Variants in ROBO2 observed in about 807,000 individuals in gnomAD.
ROBO2 encodes roundabout guidance receptor 2, also known as roundabout homolog 2.
In ROBO2, 53 loss-of-function variants were observed where a neutral mutation model predicts 160.8. The observed-to-expected ratio is 0.33, with a 90% confidence interval of 0.26 to 0.41. ROBO2 has a LOEUF of 0.41. ROBO2 is among the 10% of genes least tolerant of loss of function. ROBO2 has a pLI of 1.00. For missense variants in ROBO2, 1,577 were observed against 1,722.4 expected (o/e 0.92, Z 1.49); for synonymous variants, 664 against 611.7 (o/e 1.09, Z -1.26).
intron 2 of ROBO2, among the ~76,000 whole-genome samples, chr3:76,278,808 C>T (rs150176683): frequency 6.6e-6 from 1 of 151,920 alleles, no homozygotes; most frequent in East Asian, 1.9e-4. Flanking sequence ...GAGAAATCCA[C>T]TGATTTATTT....
intron 2 of ROBO2, among the ~76,000 whole-genome samples, chr3:76,477,496 TATGAAAC>T (rs1283312986): frequency 2.6e-5 from 4 of 152,150 alleles, no homozygotes; most frequent in Non-Finnish European, 4.4e-5. Context: ...AAATGTTGTA[TATGAAAC>T]CATAGGGAAT....
In ROBO2 at chr3:77,176,558, C is replaced by T. The variant is rs2080179631; in HGVS notation, c.388+78218C>T. Among the ~76,000 whole-genome samples, 2 of 151,958 alleles carry T rather than the reference C, an allele frequency of 1.3e-5. 1 individual carries two copies. Among genetic ancestry groups the T allele is most frequent in the South Asian group, 4.1e-4 (2 of 4,828 alleles). ...TTACCTATACATGGCATTCTAGAAG[C>T]ATATATCATTAGAAAGATCACAACA... is the stretch of plus-strand genomic sequence containing the variant. On this transcript the variant is annotated intron_variant, in intron 2 of 25. Transcript: ENST00000461745.
intron 5 of ROBO2, among the ~76,000 whole-genome samples, chr3:77,507,400 A>G (rs1487060354): frequency 2.0e-5 from 3 of 152,174 alleles, no homozygotes; most frequent in Admixed American, 1.3e-4. Flanking sequence ...CGCCAAATAG[A>G]TGGCACATTC....
At chr3:77,072,513 A>G (rs1190657761) in intron 1 of ROBO2, among the ~76,000 whole-genome samples, 1 of 152,196 alleles carries the variant, frequency 6.6e-6, no homozygotes, top group Non-Finnish European at 1.5e-5. Flanking sequence ...ACACTATGCC[A>G]GGAATGTTCT....
intron 2 of ROBO2, among the ~76,000 whole-genome samples, chr3:76,698,249 G>A (rs1376654647): frequency 6.6e-6 from 1 of 152,206 alleles, no homozygotes; most frequent in Admixed American, 6.6e-5. Flanking sequence ...TGGGCGATGG[G>A]CTGAAAATGA....
chr3:77,291,064 A>G (rs1381417911), intron 2 of ROBO2, among the ~76,000 whole-genome samples: 3 of 150,774 alleles, frequency 2.0e-5, no homozygotes, highest in Non-Finnish European at 4.4e-5. Context: ...CTGAGGCTAG[A>G]TCACCCCAGA....
At chr3:77,127,137 C>G (rs371010724) in intron 2 of ROBO2, among the ~76,000 whole-genome samples, 1 of 152,136 alleles carries the variant, frequency 6.6e-6, no homozygotes, top group African/African-American at 2.4e-5. Context: ...TGTTGACCTA[C>G]AGGAAGCTCC....
At chr3:77,170,267 T>G (rs2079508318) in intron 2 of ROBO2, among the ~76,000 whole-genome samples, 1 of 152,194 alleles carries the variant, frequency 6.6e-6, no homozygotes, top group African/African-American at 2.4e-5. Flanking sequence ...ACTTGATAGT[T>G]CCAGATAGTT....
intron 2 of ROBO2, among the ~76,000 whole-genome samples, chr3:75,954,434 T>G (rs1001765883): frequency 6.6e-6 from 1 of 151,806 alleles, no homozygotes; most frequent in Non-Finnish European, 1.5e-5. Flanking sequence ...CTCCTCTTTC[T>G]CCAAAAACCA....
At chr3:77,602,222 C>T in exon 20 of ROBO2, 1 of 1,614,134 alleles carries the variant, frequency 6.2e-7, no homozygotes, top group Non-Finnish European at 8.5e-7. Flanking sequence ...GTGCTGCCAC[C>T]AGTTCCAGGC....
At chr3:77,425,335 G>A (rs1581835371) in intron 2 of ROBO2, among the ~76,000 whole-genome samples, 1 of 152,166 alleles carries the variant, frequency 6.6e-6, no homozygotes, top group East Asian at 1.9e-4. Context: ...AGATGATGTG[G>A]TAAAAAGCAG....
At chr3:76,274,709 G>A (rs538728428) in intron 2 of ROBO2, among the ~76,000 whole-genome samples, 6 of 151,786 alleles carry the variant, frequency 4.0e-5, no homozygotes, top group South Asian at 2.1e-4. Context: ...ATGGTGGCAC[G>A]CACCTGTAGT....
At chr3:77,392,257 A>G (rs1224492684) in intron 2 of ROBO2, among the ~76,000 whole-genome samples, 2 of 152,198 alleles carry the variant, frequency 1.3e-5, no homozygotes, top group Non-Finnish European at 1.5e-5. Context: ...AATTCAACCT[A>G]TTTGACTCTG....
At chr3:77,235,234 A>G (rs553590418) in intron 2 of ROBO2, among the ~76,000 whole-genome samples, 68 of 152,336 alleles carry the variant, frequency 4.5e-4, no homozygotes, top group Non-Finnish European at 7.6e-4. Flanking sequence ...ACTAATCATG[A>G]AAGGCTGAAC....
chr3:76,772,157 G>A (rs191381036), intron 2 of ROBO2, among the ~76,000 whole-genome samples: 1 of 151,212 alleles, frequency 6.6e-6, no homozygotes, highest in Non-Finnish European at 1.5e-5. Context: ...TTGTAAAATA[G>A]TCCTGGTCTA....
intron 21 of ROBO2, 55 bp from the exon 23 acceptor site, chr3:77,617,458 A>C (rs2094805659): frequency 4.4e-6 from 7 of 1,595,174 alleles, no homozygotes; most frequent in East Asian, 2.2e-5. Context: ...AATTGTGTGC[A>C]TGTATGTGTA....
intron 2 of ROBO2, among the ~76,000 whole-genome samples, chr3:77,208,696 T>C (rs2083731400): frequency 6.6e-6 from 1 of 152,222 alleles, no homozygotes; most frequent in East Asian, 1.9e-4. Context: ...TGCCTTATGA[T>C]ACAATTACTG....
Position 76,043,620 on chromosome 3 carries a change from CAAAAAAAAAA to C in ROBO2, c.109+106035_109+106044del, listed in dbSNP as rs56988287. On this transcript the variant is annotated intron_variant, in intron 2 of 26. Coordinates refer to the ROBO2 transcript ENST00000487694. ...ACACCCTAACCAATTCTTCATCGTC[CAAAAAAAAAA>C]AAAAAAAAAAAAAAAACCACACCAA... Among the ~76,000 whole-genome samples, 79 of 38,446 alleles carry C rather than the reference CAAAAAAAAAA, an allele frequency of 2.1e-3. 1 individual carries two copies. The South Asian group carries it at 0.11, about 54-fold the overall frequency. 25.2% of individuals were successfully genotyped at this position (38,446 alleles called of 152,430 possible). A position where few individuals can be genotyped will look rare whatever the true frequency, so the allele number is the denominator to read the frequency against.
intron 2 of ROBO2, among the ~76,000 whole-genome samples, chr3:76,596,684 T>G (rs1257183938): frequency 6.6e-6 from 1 of 152,098 alleles, no homozygotes; most frequent in Non-Finnish European, 1.5e-5. Flanking sequence ...CATTCGGCCT[T>G]TAATTGCAGA....
Sources: gnomAD v4.1 joint callset for allele counts (sites outside exome capture counted in the v4.1 genomes callset) on GRCh38, gnomAD v4.1.1 for gene constraint, MANE v1.5 for transcripts, NCBI Gene and HGNC (gene_info 2026-07-23, HGNC 2026-07-21) for gene names.